EIF2AK2: variants seen among roughly 807,000 people sequenced by gnomAD.
EIF2AK2 encodes the protein interferon-induced, double-stranded RNA-activated protein kinase.
Under a neutral mutation model 70.5 loss-of-function variants are expected in EIF2AK2, and 40 were observed. That is an observed-to-expected ratio of 0.57 (90% CI 0.44 to 0.74). The LOEUF (loss-of-function observed/expected upper bound fraction) is 0.74. Among genes scored for constraint, EIF2AK2 ranks in the 30% least tolerant of loss-of-function variants. The pLI, the probability that EIF2AK2 is intolerant of heterozygous loss-of-function variation, is 0.00. For missense variants in EIF2AK2, 555 were observed against 644.3 expected (o/e 0.86, Z 1.50); for synonymous variants, 198 against 220.9 (o/e 0.90, Z 0.92).
chr2:37,105,610 CT>C lies in EIF2AK2; in HGVS notation c.*1662del, dbSNP rs988858803. 12 of 152,202 alleles carry C rather than the reference CT, an allele frequency of 7.9e-5. No individual in the cohort carries two copies. Among genetic ancestry groups the C allele is most frequent in the African/African-American group, 2.9e-4 (12 of 41,444 alleles). The allele number at this position is 152,202 out of a possible 1,614,324, so 9.4% of individuals were successfully genotyped here. A position where few individuals can be genotyped will look rare whatever the true frequency, so the allele number is the denominator to read the frequency against. The stretch of plus-strand genomic sequence containing the variant: ...TCTCTTTTCCTTATAAATTATCCAG[CT>C]TCAAGTATCCATTTAAACCAATAAG... On this transcript the variant is annotated 3_prime_UTR_variant, in exon 17 of 17. Coordinates refer to ENST00000233057, the MANE Select transcript of EIF2AK2 (RefSeq NM_001135651.3).
intron 14 of EIF2AK2, 60 bp from the exon 15 acceptor site, chr2:37,109,355 T>C: frequency 1.3e-6 from 2 of 1,482,538 alleles, no homozygotes; most frequent in Non-Finnish European, 9.2e-7. Flanking sequence ...TCCAGCCTTC[T>C]AAAGCCCAAA....
At chr2:37,141,514 A>C in intron 5 of EIF2AK2, 39 bp downstream of exon 5, 1 of 1,599,072 alleles carries the variant, frequency 6.3e-7, no homozygotes, top group Non-Finnish European at 8.5e-7. Context: ...TATTGCTTAA[A>C]TACAATGAAA....
chr2:37,123,307 C>T (rs1417699671), intron 11 of EIF2AK2, among the ~76,000 whole-genome samples: 2 of 152,018 alleles, frequency 1.3e-5, no homozygotes, highest in Non-Finnish European at 2.9e-5. Flanking sequence ...TGCTCTGTCA[C>T]CCAGGTTGGA....
rs1673794284 is a variant in EIF2AK2, at chr2:37,100,197, G to C, written c.*7076C>G. ...CAGGAGAGAGCCACTGAGTGCAAAAGCCTGTTGAGGTAAAACTGCAGACCT... is the reference window on the plus strand; with the variant it reads ...CAGGAGAGAGCCACTGAGTGCAAAACCCTGTTGAGGTAAAACTGCAGACCT... On this transcript the variant is annotated 3_prime_UTR_variant, in exon 17 of 17. Coordinates refer to ENST00000233057, the MANE Select transcript of EIF2AK2 (RefSeq NM_001135651.3). 6.6e-6 allele frequency: 1 copy of C among 152,198 alleles called. No individual in the cohort carries two copies. The highest frequency in any genetic ancestry group is 1.5e-5 in the Non-Finnish European group (1 of 68,052). 9.4% of individuals were successfully genotyped at this position (152,198 alleles called of 1,614,324 possible).
chr2:37,107,245 A>C lies in EIF2AK2; in HGVS notation c.*28T>G. 1 of 1,599,820 alleles carries C rather than the reference A, an allele frequency of 6.3e-7. No homozygotes were observed. Among genetic ancestry groups the C allele is most frequent in the Non-Finnish European group, 8.5e-7 (1 of 1,175,632 alleles). ...GATAATTTAAGGAAAACTGCATATC[A>C]GAAGCAGGATACTTTTTCAGAAGGG... On this transcript the variant is annotated 3_prime_UTR_variant, in exon 17 of 17. Transcript: ENST00000233057.
At chr2:37,118,899 T>A (rs567989121) in intron 13 of EIF2AK2, among the ~76,000 whole-genome samples, 1 of 152,208 alleles carries the variant, frequency 6.6e-6, no homozygotes, top group African/African-American at 2.4e-5. Flanking sequence ...AGGGGTGGGA[T>A]AAGCAGATAG....
At chr2:37,114,017 G>A (rs552836752) in intron 14 of EIF2AK2, among the ~76,000 whole-genome samples, 1 of 152,300 alleles carries the variant, frequency 6.6e-6, no homozygotes, top group South Asian at 2.1e-4. Flanking sequence ...GAATGTCTAA[G>A]TGTATGAAGT....
chr2:37,109,359 G>C, intron 14 of EIF2AK2, 64 bp from the exon 15 acceptor site: 1 of 1,442,360 alleles, frequency 6.9e-7, no homozygotes, highest in Non-Finnish European at 9.5e-7. Context: ...GCCTTCTAAA[G>C]CCCAAAAAAG....
At position 37,146,950 on chromosome 2, in the gene EIF2AK2, T is replaced by C; in HGVS notation, c.143A>G (p.Asp48Gly). Reference sequence around the variant, plus strand: ...TTCACCTTCTGGAAATTCTCTTCCATCTATTATAACTTGAAATGTAAACCT... The same window carrying C: ...TTCACCTTCTGGAAATTCTCTTCCACCTATTATAACTTGAAATGTAAACCT... ...DRRFTFQVII[D>G]GREFPEGEGR... The change falls in exon 4 of 17, where the codon GAT (aspartate) becomes GGT (glycine). Residue 48 changes from aspartate to glycine, a missense_variant. Physicochemically the swap from Asp to Gly is moderately conservative, Grantham distance 94. This residue lies in a region of EIF2AK2 where 48 missense variants were observed against 77.1 expected (regional missense o/e 0.62). Transcript: ENST00000233057. 8 of 1,612,590 alleles carry C rather than the reference T, an allele frequency of 5.0e-6. No individual in the cohort carries two copies. The highest frequency in any genetic ancestry group is 6.8e-6 in the Non-Finnish European group (8 of 1,179,356).
chr2:37,111,065 C>T (rs1490216587), intron 14 of EIF2AK2, among the ~76,000 whole-genome samples: 1 of 152,090 alleles, frequency 6.6e-6, no homozygotes, highest in Non-Finnish European at 1.5e-5. Context: ...GGGTAAATAC[C>T]GTACGATTCC....
intron 1 of EIF2AK2, chr2:37,149,427 AT>A: frequency 2.2e-6 from 1 of 463,670 alleles, no homozygotes; most frequent in Non-Finnish European, 3.9e-6. Context: ...ATGTGCACGA[AT>A]TTTTCATCTT....
chr2:37,130,675 G>A (rs564000924), intron 10 of EIF2AK2, among the ~76,000 whole-genome samples: 41 of 152,216 alleles, frequency 2.7e-4, no homozygotes, highest in Non-Finnish European at 5.3e-4. Flanking sequence ...TTGGACTGAC[G>A]CTGACACAGG....
rs943805069 is a variant in EIF2AK2 at position 37,103,477 on chromosome 2, T to C, written c.*3796A>G. 1 of 152,236 alleles carries C rather than the reference T, an allele frequency of 6.6e-6. No individual in the cohort carries two copies. The highest frequency in any genetic ancestry group is 1.5e-5 in the Non-Finnish European group (1 of 68,070). The allele number at this position is 152,236 out of a possible 1,614,324, so 9.4% of individuals were successfully genotyped here. On this transcript the variant is annotated 3_prime_UTR_variant, in exon 17 of 17. Transcript: ENST00000233057. ...TCCCAGAGTGCTGGGATTATAGGCG[T>C]GAGCCACCATGCCCAGCCAGAGTAG... is the stretch of plus-strand genomic sequence containing the variant.
intron 12 of EIF2AK2, among the ~76,000 whole-genome samples, chr2:37,121,406 A>T (rs1674545814): frequency 6.6e-6 from 1 of 152,086 alleles, no homozygotes; most frequent in South Asian, 2.1e-4. Context: ...ATTATTATAT[A>T]AAGTAACTTT....
At chr2:37,156,039 G>C (rs1675911051) in intron 1 of EIF2AK2, among the ~76,000 whole-genome samples, 1 of 152,152 alleles carries the variant, frequency 6.6e-6, no homozygotes, top group Admixed American at 6.5e-5. Flanking sequence ...CAAGGGCAGA[G>C]CGGGGTTTCT....
At position 37,147,825 on chromosome 2, in the gene EIF2AK2, A is replaced by G; in HGVS notation, c.-16-3T>C. 2 of 1,569,100 alleles carry G rather than the reference A, an allele frequency of 1.3e-6. No individual in the cohort carries two copies. Among genetic ancestry groups the G allele is most frequent in the African/African-American group, 1.3e-5 (1 of 74,088 alleles). On this transcript the variant is annotated splice_region_variant and splice_polypyrimidine_tract_variant and intron_variant, in intron 2 of 16. Coordinates refer to ENST00000233057, the MANE Select transcript of EIF2AK2 (RefSeq NM_001135651.3). ...CAGCCATTTCTTCTTCCCGTATCCT[A>G]CAATGGAAGAGACATTTGAATGAGT...
chr2:37,127,855 G>A (rs1331240388), intron 10 of EIF2AK2, among the ~76,000 whole-genome samples: 1 of 151,218 alleles, frequency 6.6e-6, no homozygotes, highest in African/African-American at 2.4e-5. Context: ...CGATTCTCCT[G>A]CCTCAGCCTC....
chr2:37,125,753 A>G lies in EIF2AK2; in HGVS notation c.908+536T>C, dbSNP rs146479396. 6.0e-4 allele frequency among the ~76,000 whole-genome samples: 92 copies of G among 152,336 alleles called. 1 individual carries two copies. In the East Asian group the frequency reaches 0.011, roughly 19 times the overall value. Reference sequence around the variant, plus strand: ...TTGTCCAGATGAGCACAATCAACCCATGGAACCATTAGAGACAACAATAAA... The same window carrying G: ...TTGTCCAGATGAGCACAATCAACCCGTGGAACCATTAGAGACAACAATAAA... On this transcript the variant is annotated intron_variant, in intron 11 of 16. Transcript: ENST00000233057.
At chr2:37,116,504 G>A (rs1558410544) in intron 13 of EIF2AK2, among the ~76,000 whole-genome samples, 1 of 152,170 alleles carries the variant, frequency 6.6e-6, no homozygotes, top group Non-Finnish European at 1.5e-5. Flanking sequence ...GACTCTACGG[G>A]ATAACACACT....
Sources: gnomAD v4.1 joint callset for allele counts (sites outside exome capture counted in the v4.1 genomes callset) on GRCh38, gnomAD v4.1.1 for gene constraint, gnomAD v4.1.1 regional missense constraint, MANE v1.5 for transcripts, NCBI Gene and HGNC (gene_info 2026-07-23, HGNC 2026-07-21) for gene names.